The following GINS1 variants were observed in gnomAD, a reference collection of about 807,000 sequenced individuals.
The protein encoded by GINS1 is GINS complex subunit 1, also known as DNA replication complex GINS protein PSF1.
GINS1 carries 26 observed loss-of-function variants against 34.9 expected under a neutral mutation model. The observed-to-expected ratio is 0.74, with a 90% confidence interval of 0.55 to 1.03. The LOEUF is 1.03. Ranked by LOEUF, GINS1 falls within the 50% of genes least tolerant of loss-of-function variation. GINS1 has a pLI of 0.00. For synonymous variants in GINS1, 97 were observed against 84.4 expected (o/e 1.15, Z -0.82); for missense variants, 235 against 237.9 (o/e 0.99, Z 0.08).
intron 4 of GINS1, among the ~76,000 whole-genome samples, chr20:25,420,117 T>C (rs925044597): frequency 4.6e-5 from 7 of 151,882 alleles, no homozygotes; most frequent in African/African-American, 1.7e-4. Flanking sequence ...AATATAACAA[T>C]GTTAACAGCA....
intron 5 of GINS1, among the ~76,000 whole-genome samples, chr20:25,433,459 C>T (rs1236120138): frequency 6.6e-6 from 1 of 151,904 alleles, no homozygotes; most frequent in Non-Finnish European, 1.5e-5. Flanking sequence ...TTTAAATAAT[C>T]TCTAGATTAC....
At chr20:25,445,075 A>C (rs1363464079) in intron 6 of GINS1, among the ~76,000 whole-genome samples, 2 of 152,264 alleles carry the variant, frequency 1.3e-5, no homozygotes, top group Non-Finnish European at 2.9e-5. Flanking sequence ...TACAATACCT[A>C]CTAGAATTCA....
chr20:25,430,972 G>C (rs879366159), intron 5 of GINS1, among the ~76,000 whole-genome samples: 10 of 152,192 alleles, frequency 6.6e-5, no homozygotes, highest in African/African-American at 9.7e-5. Flanking sequence ...ATATTTTTTA[G>C]AAAAGTTTGA....
rs551653624 is a variant in GINS1 at position 25,415,953 on chromosome 20, G to A, written c.141-1151G>A. On this transcript the variant is annotated intron_variant, in intron 2 of 6. Transcript: ENST00000262460. ...GTGGGCATAGAACATTCTAGGTGGA[G>A]GGAACAGCATATGCAAAAGCCCCTG... Among the ~76,000 whole-genome samples the A allele has an allele frequency of 2.6e-5, 4 of 152,300 alleles. No homozygotes were observed. The East Asian group carries it at 7.7e-4, about 29-fold the overall frequency.
intron 6 of GINS1, among the ~76,000 whole-genome samples, chr20:25,442,282 G>A (rs990401461): frequency 6.6e-6 from 1 of 152,072 alleles, no homozygotes; most frequent in Admixed American, 6.6e-5. Context: ...AAATTGTAAA[G>A]TTGTAACTTA....
intron 5 of GINS1, among the ~76,000 whole-genome samples, chr20:25,430,069 C>T (rs974552572): frequency 4.6e-5 from 7 of 152,160 alleles, no homozygotes; most frequent in African/African-American, 1.2e-4. Context: ...CATGCCATCA[C>T]GCCCAGCTAA....
At chr20:25,438,813 A>G (rs887498925) in intron 5 of GINS1, among the ~76,000 whole-genome samples, 15 of 152,118 alleles carry the variant, frequency 9.9e-5, no homozygotes, top group Non-Finnish European at 2.1e-4. Flanking sequence ...AGCTCAAGCA[A>G]TCCTCTTGCC....
intron 4 of GINS1, among the ~76,000 whole-genome samples, chr20:25,418,454 A>G (rs1365109592): frequency 6.6e-6 from 1 of 152,198 alleles, no homozygotes; most frequent in Non-Finnish European, 1.5e-5. Context: ...TGGGATTAAA[A>G]AACTGGCATT....
At chr20:25,442,220 G>T (rs1314718272) in intron 6 of GINS1, among the ~76,000 whole-genome samples, 1 of 152,134 alleles carries the variant, frequency 6.6e-6, no homozygotes, top group Non-Finnish European at 1.5e-5. Context: ...TTCAAAAGAA[G>T]AATTTTCAAG....
At chr20:25,428,595 G>A (rs1280151077) in intron 5 of GINS1, among the ~76,000 whole-genome samples, 4 of 151,320 alleles carry the variant, frequency 2.6e-5, no homozygotes, top group Admixed American at 6.6e-5. Context: ...TAGTAGAGAC[G>A]GGGTTTCACC....
intron 5 of GINS1, among the ~76,000 whole-genome samples, chr20:25,439,919 T>G (rs151299341): frequency 5.3e-5 from 8 of 150,006 alleles, no homozygotes; most frequent in African/African-American, 2.0e-4. Context: ...TGCTTGAACC[T>G]GGGAAGCGGA....
intron 6 of GINS1, among the ~76,000 whole-genome samples, chr20:25,444,462 G>GT (rs1031518247): frequency 1.1e-4 from 16 of 152,066 alleles, no homozygotes; most frequent in South Asian, 6.2e-4. Flanking sequence ...TTTTTGTTGT[G>GT]TTTTTTTACA....
At chr20:25,428,298 C>T (rs1355527128) in intron 5 of GINS1, among the ~76,000 whole-genome samples, 2 of 150,580 alleles carry the variant, frequency 1.3e-5, no homozygotes, top group South Asian at 2.1e-4. Flanking sequence ...ATTTGCATTT[C>T]GGTCTTTGAT....
At chr20:25,423,485 T>C (rs1262442803) in intron 4 of GINS1, among the ~76,000 whole-genome samples, 18 of 93,426 alleles carry the variant, frequency 1.9e-4, no homozygotes, top group Non-Finnish European at 1.6e-4. Flanking sequence ...TTTTTTTTTT[T>C]TGAGACGGCA....
chr20:25,410,939 T>C (rs1288471368), intron 1 of GINS1, among the ~76,000 whole-genome samples: 1 of 152,158 alleles, frequency 6.6e-6, no homozygotes, highest in Non-Finnish European at 1.5e-5. Context: ...ATTACACCCT[T>C]TCTATATGCA....
At chr20:25,420,901 G>C (rs1444299609) in intron 4 of GINS1, 1 of 979,686 alleles carries the variant, frequency 1.0e-6, no homozygotes, top group Non-Finnish European at 1.2e-6. Flanking sequence ...GATAAACTCT[G>C]TAGTAGACCA....
At position 25,407,863 on chromosome 20, in the gene GINS1, C is replaced by G. The variant is rs778068914; in HGVS notation, c.43C>G (p.Arg15Gly). ...KAMELIRELH[R>G]APEGQLPAFN... ...CATGGAACTGATCCGCGAGCTGCATCGCGCGCCCGAAGGGCAACTGCCTGC... is the reference window on the plus strand; with the variant it reads ...CATGGAACTGATCCGCGAGCTGCATGGCGCGCCCGAAGGGCAACTGCCTGC... Residue 15 changes from arginine to glycine, a missense_variant, in exon 1 of 7, where the codon CGC becomes GGC. Coordinates refer to ENST00000262460, the MANE Select transcript of GINS1 (RefSeq NM_021067.5). The G allele has an allele frequency of 6.2e-7, 1 of 1,613,952 alleles. No homozygotes were observed. The highest frequency in any genetic ancestry group is 2.2e-5 in the East Asian group (1 of 44,886).
At chr20:25,423,466 T>C (rs1373402587) in intron 4 of GINS1, among the ~76,000 whole-genome samples, 15 of 107,102 alleles carry the variant, frequency 1.4e-4, no homozygotes, top group East Asian at 9.0e-4. Context: ...TTTTTTTTTT[T>C]TTTTTTTTTT....
At chr20:25,437,951 T>C (rs1376968224) in intron 5 of GINS1, among the ~76,000 whole-genome samples, 1 of 151,884 alleles carries the variant, frequency 6.6e-6, no homozygotes, top group African/African-American at 2.4e-5. Flanking sequence ...AAACCCCATC[T>C]CTACTAAAAA....
Sources: allele counts gnomAD v4.1 joint callset (sites outside exome capture counted in the v4.1 genomes callset), GRCh38; gene constraint gnomAD v4.1.1; transcripts MANE v1.5; gene names NCBI Gene and HGNC (gene_info 2026-07-23, HGNC 2026-07-21).